Variants in ANO3 observed in about 807,000 individuals in gnomAD.
The protein encoded by ANO3 is anoctamin-3.
A neutral mutation model predicts 144.8 loss-of-function variants in ANO3; 99 were observed. The ratio of observed to expected loss-of-function variants is 0.68; its 90% confidence interval spans 0.58 to 0.81. ANO3 has a LOEUF of 0.81. Ranked by LOEUF, ANO3 falls within the 30% of genes least tolerant of loss-of-function variation. ANO3 has a pLI of 0.00. For synonymous variants in ANO3, 414 were observed against 392.6 expected (o/e 1.05, Z -0.64); for missense variants, 905 against 1,202.2 (o/e 0.75, Z 3.66).
At chr11:26,390,951 G>T (rs547280200) in intron 1 of ANO3, among the ~76,000 whole-genome samples, 50 of 152,094 alleles carry the variant, frequency 3.3e-4, no homozygotes, top group Admixed American at 2.9e-3. Flanking sequence ...ACATTTTAGG[G>T]TAATGATAAA....
intron 1 of ANO3, among the ~76,000 whole-genome samples, chr11:26,255,330 G>A (rs1266398324): frequency 6.6e-6 from 1 of 152,126 alleles, no homozygotes; most frequent in East Asian, 1.9e-4. Context: ...AGATAGACTT[G>A]AATCCAAGTG....
At chr11:26,252,770 C>T (rs985047208) in intron 1 of ANO3, among the ~76,000 whole-genome samples, 40 of 152,126 alleles carry the variant, frequency 2.6e-4, no homozygotes, top group African/African-American at 9.2e-4. Flanking sequence ...CAGTGAACAA[C>T]ATTTCATGAA....
intron 24 of ANO3, among the ~76,000 whole-genome samples, chr11:26,649,158 A>G (rs1347527744): frequency 1.3e-5 from 2 of 152,210 alleles, no homozygotes; most frequent in African/African-American, 4.8e-5. Context: ...AAAAGGCCAT[A>G]AAAACCCTAG....
rs77842074 is a variant in ANO3, at chr11:26,197,499, C to T, written c.154+8169C>T. On this transcript the variant is annotated intron_variant, in intron 1 of 27. Transcript: ENST00000672621. ...GAGTAGCTGGGACTACAGGCGCATG[C>T]CACCATGCCTGGCTAAGTTTTTTTT... 1.2e-3 allele frequency among the ~76,000 whole-genome samples: 176 copies of T among 152,180 alleles called. 1 individual carries two copies. The East Asian group carries it at 0.026, about 23-fold the overall frequency.
At chr11:26,637,458 A>G (rs1852998554) in intron 20 of ANO3, among the ~76,000 whole-genome samples, 1 of 152,190 alleles carries the variant, frequency 6.6e-6, no homozygotes, top group African/African-American at 2.4e-5. Context: ...AGCACCAGTC[A>G]ACACTGTATG....
chr11:26,485,362 G>T (rs1028391606), intron 4 of ANO3, among the ~76,000 whole-genome samples: 3 of 151,554 alleles, frequency 2.0e-5, no homozygotes, highest in African/African-American at 4.8e-5. Context: ...CAGAAGGTCT[G>T]GTTTTAAAAA....
At chr11:26,283,506 C>A (rs1014880548) in intron 1 of ANO3, among the ~76,000 whole-genome samples, 12 of 151,572 alleles carry the variant, frequency 7.9e-5, no homozygotes, top group Middle Eastern at 3.4e-3. Flanking sequence ...AAACATTCAA[C>A]AATCAGTACA....
intron 1 of ANO3, among the ~76,000 whole-genome samples, chr11:26,296,004 T>A (rs1307707067): frequency 6.6e-6 from 1 of 152,240 alleles, no homozygotes; most frequent in Non-Finnish European, 1.5e-5. Flanking sequence ...GGGGAATGGT[T>A]GCAATAGCAA....
intron 1 of ANO3, among the ~76,000 whole-genome samples, chr11:26,320,807 C>T (rs1854740797): frequency 6.6e-6 from 1 of 152,128 alleles, no homozygotes; most frequent in Non-Finnish European, 1.5e-5. Flanking sequence ...CCTGGAATCA[C>T]TTTGACCACT....
intron 1 of ANO3, among the ~76,000 whole-genome samples, chr11:26,296,198 C>T (rs1854084781): frequency 6.6e-6 from 1 of 152,188 alleles, no homozygotes; most frequent in Admixed American, 6.5e-5. Flanking sequence ...TGAAAATGTT[C>T]TTGCTACCTA....
intron 1 of ANO3, among the ~76,000 whole-genome samples, chr11:26,358,431 A>G (rs1229087494): frequency 1.3e-5 from 2 of 152,128 alleles, no homozygotes; most frequent in African/African-American, 4.8e-5. Flanking sequence ...CGGCCTCCCA[A>G]CGTGCTGGGA....
At chr11:26,301,143 C>A (rs535582771) in intron 1 of ANO3, among the ~76,000 whole-genome samples, 4 of 151,726 alleles carry the variant, frequency 2.6e-5, no homozygotes, top group African/African-American at 9.7e-5. Context: ...TGAGCCACCA[C>A]GCCCAGCCTC....
At chr11:26,596,397 G>A (rs1213262366) in intron 14 of ANO3, among the ~76,000 whole-genome samples, 1 of 152,058 alleles carries the variant, frequency 6.6e-6, no homozygotes, top group Non-Finnish European at 1.5e-5. Context: ...TTTTCAACCT[G>A]ATCTATTATG....
chr11:26,263,166 A>G (rs1853232148), intron 1 of ANO3, among the ~76,000 whole-genome samples: 1 of 152,022 alleles, frequency 6.6e-6, no homozygotes, highest in Admixed American at 6.6e-5. Flanking sequence ...CAACTTCCAG[A>G]CTCTAAATTA....
At chr11:26,505,007 A>T (rs293949) in intron 4 of ANO3, among the ~76,000 whole-genome samples, 1 of 71,202 alleles carries the variant, frequency 1.4e-5, no homozygotes, top group Non-Finnish European at 2.5e-5. Context: ...GCGAGACTCC[A>T]CCTCAAAAAA....
At chr11:26,341,898 A>G (rs985572588) in intron 1 of ANO3, among the ~76,000 whole-genome samples, 1 of 152,194 alleles carries the variant, frequency 6.6e-6, no homozygotes, top group African/African-American at 2.4e-5. Flanking sequence ...ATGCTCTTCC[A>G]TCTTCTCCTA....
chr11:26,200,186 G>A (rs1483161015), intron 1 of ANO3, among the ~76,000 whole-genome samples: 1 of 152,112 alleles, frequency 6.6e-6, no homozygotes, highest in African/African-American at 2.4e-5. Flanking sequence ...GCATAAATCA[G>A]GCTCTGCCCG....
At chr11:26,562,354 A>G (rs1403246590) in intron 14 of ANO3, among the ~76,000 whole-genome samples, 4 of 152,030 alleles carry the variant, frequency 2.6e-5, no homozygotes, top group Admixed American at 6.6e-5. Flanking sequence ...GACTTCATCA[A>G]TGGGACCCAC....
At chr11:26,639,507 C>A (rs1252452776) in intron 21 of ANO3, among the ~76,000 whole-genome samples, 1 of 152,124 alleles carries the variant, frequency 6.6e-6, no homozygotes, top group Non-Finnish European at 1.5e-5. Context: ...TTGTTTAATG[C>A]ATTAAGACAC....
Sources: gnomAD v4.1 joint callset for allele counts (sites outside exome capture counted in the v4.1 genomes callset) on GRCh38, gnomAD v4.1.1 for gene constraint, MANE v1.5 for transcripts, NCBI Gene and HGNC (gene_info 2026-07-23, HGNC 2026-07-21) for gene names.